Variants in NPAS3 observed in about 807,000 individuals in gnomAD.
NPAS3 encodes neuronal PAS domain protein 3.
NPAS3 carries 14 observed loss-of-function variants against 73.1 expected under a neutral mutation model. The ratio of observed to expected loss-of-function variants is 0.19; its 90% CI spans 0.13 to 0.30. The LOEUF (loss-of-function observed/expected upper bound fraction) is 0.30, where lower values mean the gene tolerates loss of function less well. NPAS3 is among the 10% of genes least tolerant of loss of function. NPAS3 has a pLI of 1.00. For synonymous variants in NPAS3, 620 were observed against 541.5 expected (o/e 1.14, Z -2.01); for missense variants, 1,096 against 1,250.0 (o/e 0.88, Z 1.86).
At chr14:33,009,672 C>A (rs1022605259) in intron 1 of NPAS3, among the ~76,000 whole-genome samples, 1 of 152,110 alleles carries the variant, frequency 6.6e-6, no homozygotes, top group Non-Finnish European at 1.5e-5. Context: ...ACACCCTTAT[C>A]TTTTCTGTCT....
chr14:33,397,778 A>G (rs2047285300), intron 4 of NPAS3, among the ~76,000 whole-genome samples: 1 of 152,122 alleles, frequency 6.6e-6, no homozygotes. Context: ...CTGTGCCTCC[A>G]GCCACAGCTC....
intron 3 of NPAS3, among the ~76,000 whole-genome samples, chr14:33,234,890 A>G (rs1368626610): frequency 6.6e-6 from 1 of 152,026 alleles, no homozygotes; most frequent in East Asian, 1.9e-4. Flanking sequence ...ATAATAAGAG[A>G]TTTTGCTCAT....
chr14:33,352,220 G>A (rs891327102), intron 3 of NPAS3, among the ~76,000 whole-genome samples: 1 of 152,154 alleles, frequency 6.6e-6, no homozygotes, highest in African/African-American at 2.4e-5. Context: ...AATAAAGCAG[G>A]TATGTTCACC....
In NPAS3 at chr14:33,169,616, T is replaced by A. The variant is rs2045310362; in HGVS notation, c.141-45566T>A. Among the ~76,000 whole-genome samples, 3 of 152,230 alleles carry A rather than the reference T, an allele frequency of 2.0e-5. No individual in the cohort carries two copies. In the South Asian group the frequency reaches 6.2e-4, roughly 32 times the overall value. Reference sequence around the variant, plus strand: ...AGAGTGAATAAAGTGTATAGTATTTTAAAATCTTTACCAATGCATTTCATT... The same window carrying A: ...AGAGTGAATAAAGTGTATAGTATTTAAAAATCTTTACCAATGCATTTCATT... On this transcript the variant is annotated intron_variant, in intron 2 of 11. Transcript: ENST00000356141.
intron 4 of NPAS3, among the ~76,000 whole-genome samples, chr14:33,489,837 C>T (rs752901671): frequency 3.9e-5 from 6 of 152,026 alleles, no homozygotes; most frequent in African/African-American, 9.7e-5. Flanking sequence ...TTTTATGAGT[C>T]GGAGATTCAA....
At chr14:33,765,434 G>C (rs2140851962) in intron 7 of NPAS3, among the ~76,000 whole-genome samples, 1 of 152,246 alleles carries the variant, frequency 6.6e-6, no homozygotes, top group South Asian at 2.1e-4. Flanking sequence ...GGGCTAGGGG[G>C]AGGGGATTGG....
At chr14:33,446,430 C>T (rs1224041257) in intron 4 of NPAS3, among the ~76,000 whole-genome samples, 1 of 152,090 alleles carries the variant, frequency 6.6e-6, no homozygotes, top group Non-Finnish European at 1.5e-5. Flanking sequence ...CCGCCTCGGC[C>T]TCCCAAAGTG....
chr14:33,357,609 A>T (rs1466556750), intron 3 of NPAS3, among the ~76,000 whole-genome samples: 1 of 152,234 alleles, frequency 6.6e-6, no homozygotes. Flanking sequence ...GAGAGAGCTG[A>T]CATGTGCTTA....
chr14:33,175,832 T>A (rs1261035390), intron 2 of NPAS3, among the ~76,000 whole-genome samples: 1 of 1,424 alleles, frequency 7.0e-4, no homozygotes, highest in Non-Finnish European at 0.042. Context: ...ACGTTATCAT[T>A]TTTTTATCTA....
chr14:33,001,201 AC>A (rs2038793171), intron 1 of NPAS3, among the ~76,000 whole-genome samples: 2 of 151,976 alleles, frequency 1.3e-5, no homozygotes, highest in Non-Finnish European at 2.9e-5. Flanking sequence ...GGTTCTAAGA[AC>A]CTCTTTCATT....
intron 4 of NPAS3, among the ~76,000 whole-genome samples, chr14:33,386,510 A>G (rs1327713703): frequency 1.5e-5 from 1 of 65,504 alleles, no homozygotes; most frequent in Non-Finnish European, 2.9e-5. Context: ...TTCAGTTTCA[A>G]TCTTTTTTTT....
intron 5 of NPAS3, among the ~76,000 whole-genome samples, chr14:33,637,198 A>G (rs1429369036): frequency 1.3e-5 from 2 of 152,222 alleles, no homozygotes; most frequent in Non-Finnish European, 2.9e-5. Flanking sequence ...TGAGAAGTCA[A>G]TCTTTTTCAT....
chr14:33,616,495 C>T (rs1269532847), intron 5 of NPAS3, among the ~76,000 whole-genome samples: 1 of 152,156 alleles, frequency 6.6e-6, no homozygotes, highest in African/African-American at 2.4e-5. Flanking sequence ...CCCGTCTCGG[C>T]AGCTGTCAGA....
At chr14:33,798,793 C>A (rs1443735070) in intron 11 of NPAS3, among the ~76,000 whole-genome samples, 1 of 152,068 alleles carries the variant, frequency 6.6e-6, no homozygotes, top group African/African-American at 2.4e-5. Context: ...AAGGAAAATT[C>A]CTAGCCCATT....
chr14:33,242,990 A>G (rs751859221), intron 3 of NPAS3, among the ~76,000 whole-genome samples: 4 of 152,144 alleles, frequency 2.6e-5, no homozygotes, highest in Non-Finnish European at 4.4e-5. Context: ...GTACATTTTT[A>G]TTAAAATTCT....
At chr14:33,667,907 G>T (rs1021168911) in intron 5 of NPAS3, among the ~76,000 whole-genome samples, 1 of 152,012 alleles carries the variant, frequency 6.6e-6, no homozygotes, top group Non-Finnish European at 1.5e-5. Context: ...GGTTTTCCAA[G>T]ATTTTTTTTT....
rs1403452517 is a variant in NPAS3, at chr14:33,286,404, T to C, written c.385+70978T>C. 2.6e-5 allele frequency among the ~76,000 whole-genome samples: 4 copies of C among 152,342 alleles called. No individual in the cohort carries two copies. The South Asian group carries it at 6.2e-4, about 24-fold the overall frequency. On this transcript the variant is annotated intron_variant, in intron 3 of 11. Transcript: ENST00000356141. The stretch of plus-strand genomic sequence containing the variant: ...TGCCAACTATCTGTGGATACAGAGA[T>C]AGTAATCATAGTTGTTTTAAAAAAA...
intron 6 of NPAS3, among the ~76,000 whole-genome samples, chr14:33,682,294 C>A (rs572331298): frequency 6.6e-6 from 1 of 152,324 alleles, no homozygotes; most frequent in East Asian, 1.9e-4. Context: ...ATCGGTCTGA[C>A]TTCTGTTAAT....
chr14:33,362,922 A>G (rs1254757973), intron 3 of NPAS3, among the ~76,000 whole-genome samples: 1 of 152,002 alleles, frequency 6.6e-6, no homozygotes, highest in Non-Finnish European at 1.5e-5. Flanking sequence ...TCTTCAAGTG[A>G]TCCCTCCAAT....
Sources: gnomAD v4.1 joint callset for allele counts (sites outside exome capture counted in the v4.1 genomes callset) on GRCh38, gnomAD v4.1.1 for gene constraint, MANE v1.5 for transcripts, NCBI Gene and HGNC (gene_info 2026-07-23, HGNC 2026-07-21) for gene names.